SLIT2: variants seen among roughly 807,000 people sequenced by gnomAD.
SLIT2 encodes the protein slit guidance ligand 2, also known as slit homolog 2 protein.
A neutral mutation model predicts 185.7 loss-of-function variants in SLIT2; 41 were observed. The observed-to-expected ratio is 0.22, with a 90% confidence interval of 0.17 to 0.29. The LOEUF is 0.29. Ranked by LOEUF, SLIT2 falls within the 10% of genes least tolerant of loss-of-function variation. The pLI is 1.00. For missense variants in SLIT2, 1,571 were observed against 1,909.0 expected, an observed-to-expected ratio of 0.82 and a Z score of 3.30; for synonymous variants, 693 against 680.2, an observed-to-expected ratio of 1.02 and a Z score of -0.29.
chr4:20,563,730 A>G (rs1481588414), intron 26 of SLIT2, among the ~76,000 whole-genome samples: 2 of 151,816 alleles, frequency 1.3e-5, no homozygotes, highest in African/African-American at 2.4e-5. Flanking sequence ...CAAACAAGAA[A>G]ATGACTGCTT....
chr4:20,541,314 A>G, intron 19 of SLIT2, 139 bp from the exon 20 acceptor site: 1 of 673,770 alleles, frequency 1.5e-6, no homozygotes, highest in Non-Finnish European at 2.5e-6. Context: ...TGTGATTCTG[A>G]GTAAGAATGG....
intron 4 of SLIT2, among the ~76,000 whole-genome samples, chr4:20,384,009 G>T (rs999187131): frequency 7.3e-5 from 11 of 151,706 alleles, no homozygotes; most frequent in African/African-American, 2.4e-4. Flanking sequence ...CCCAGCCAGT[G>T]TTCCTATTCT....
chr4:20,420,743 G>A (rs181434468), intron 4 of SLIT2, among the ~76,000 whole-genome samples: 22 of 152,196 alleles, frequency 1.4e-4, no homozygotes, highest in African/African-American at 4.8e-4. Flanking sequence ...CAATGCAGTG[G>A]TATTTAGAGG....
At chr4:20,581,430 C>T (rs1577966090) in intron 29 of SLIT2, among the ~76,000 whole-genome samples, 1 of 152,162 alleles carries the variant, frequency 6.6e-6, no homozygotes, top group South Asian at 2.1e-4. Context: ...GAATCCTCAA[C>T]ACCACATCAC....
intron 4 of SLIT2, among the ~76,000 whole-genome samples, chr4:20,404,476 A>C (rs1486197441): frequency 3.3e-5 from 5 of 152,004 alleles, no homozygotes; most frequent in Non-Finnish European, 5.9e-5. Context: ...TAAGTTTTGG[A>C]TAATGAGTGT....
intron 5 of SLIT2, among the ~76,000 whole-genome samples, chr4:20,472,540 C>CGATA (rs576120139): frequency 1.1e-4 from 1 of 9,492 alleles, no homozygotes; most frequent in Non-Finnish European, 1.6e-4. Context: ...ATAGATATAT[C>CGATA]TATATCTATA....
intron 4 of SLIT2, among the ~76,000 whole-genome samples, chr4:20,320,129 A>C (rs1016308622): frequency 6.6e-6 from 1 of 152,196 alleles, no homozygotes; most frequent in African/African-American, 2.4e-5. Context: ...AGTCAGGCTG[A>C]TATTAGGGGA....
At chr4:20,255,090 C>G (rs1187165097) in intron 1 of SLIT2, 1 of 455,792 alleles carries the variant, frequency 2.2e-6, no homozygotes, top group Non-Finnish European at 4.4e-6. Flanking sequence ...GTTCCGCTCT[C>G]GCGGTTGCGT....
chr4:20,600,598 G>C (rs1728336252), intron 33 of SLIT2, among the ~76,000 whole-genome samples: 1 of 151,358 alleles, frequency 6.6e-6, no homozygotes, highest in African/African-American at 2.4e-5. Context: ...AATCTTTTTT[G>C]TATTTTTAGT....
chr4:20,414,558 A>G (rs1276135725), intron 4 of SLIT2, among the ~76,000 whole-genome samples: 19 of 152,096 alleles, frequency 1.2e-4, no homozygotes, highest in Admixed American at 1.2e-3. Context: ...CCTTTTTTAA[A>G]AATTTTTTTG....
At position 20,528,425 on chromosome 4, in the gene SLIT2, C is replaced by G; in HGVS notation, c.1463-524C>G. On this transcript the variant is annotated intron_variant, in intron 15 of 36. Coordinates refer to ENST00000504154, the MANE Select transcript of SLIT2 (RefSeq NM_004787.4). The surrounding 1 kb of genome is among the most constrained non-coding windows in gnomAD (Gnocchi z 4.2). ...GAGGCTTAAATCAGGATTTTCCTGT[C>G]TCTTTCTACAAAATCAAAATGAAAA... 2.0e-6 allele frequency: 1 copy of G among 500,384 alleles called. No homozygotes were observed. The highest frequency in any genetic ancestry group is 1.5e-5 in the South Asian group (1 of 67,006). 31.0% of individuals were successfully genotyped at this position (500,384 alleles called of 1,614,324 possible).
intron 36 of SLIT2, among the ~76,000 whole-genome samples, chr4:20,618,460 T>A (rs956927450): frequency 2.0e-5 from 3 of 152,222 alleles, no homozygotes; most frequent in African/African-American, 7.2e-5. Flanking sequence ...CTGTTAGTAG[T>A]GTAAAAACAG....
chr4:20,511,420 C>CTTTTTT (rs1040955182), intron 11 of SLIT2, among the ~76,000 whole-genome samples: 3 of 122,058 alleles, frequency 2.5e-5, no homozygotes, highest in Non-Finnish European at 5.2e-5. Flanking sequence ...TTTTTTATTT[C>CTTTTTT]TTTTTTTTTT....
intron 4 of SLIT2, among the ~76,000 whole-genome samples, chr4:20,339,203 T>C (rs1188805081): frequency 6.6e-6 from 1 of 151,752 alleles, no homozygotes; most frequent in Non-Finnish European, 1.5e-5. Context: ...ATTGAAAAGG[T>C]AATAACCAAC....
rs1224897152 is a variant in SLIT2, at chr4:20,262,527, C to CG, written c.323+4590dup. On this transcript the variant is annotated intron_variant, in intron 3 of 36. Coordinates refer to ENST00000504154, the MANE Select transcript of SLIT2 (RefSeq NM_004787.4). ...TTTTCTTAACAGAATGACAGTCTAA[C>CG]GGTGCTAATCTTCTTGGAAAAGAAT... Among the ~76,000 whole-genome samples, 9 of 151,932 alleles carry CG rather than the reference C, an allele frequency of 5.9e-5. No homozygotes were observed. The East Asian group carries it at 1.7e-3, about 29-fold the overall frequency.
chr4:20,586,913 AT>A (rs1727110534), intron 29 of SLIT2, among the ~76,000 whole-genome samples: 1 of 152,182 alleles, frequency 6.6e-6, no homozygotes, highest in African/African-American at 2.4e-5. Context: ...CCCAGGTGAT[AT>A]GAATGTCGGG....
intron 29 of SLIT2, among the ~76,000 whole-genome samples, chr4:20,583,774 A>C (rs1347361980): frequency 6.6e-6 from 1 of 151,958 alleles, no homozygotes; most frequent in African/African-American, 2.4e-5. Flanking sequence ...ATGCCACTGC[A>C]CTCCAGCCTG....
intron 4 of SLIT2, among the ~76,000 whole-genome samples, chr4:20,322,978 A>G (rs966899834): frequency 6.6e-6 from 1 of 152,192 alleles, no homozygotes; most frequent in African/African-American, 2.4e-5. Context: ...CAGAGTTTGC[A>G]AAGTACTTTC....
At chr4:20,497,492 G>A (rs569993788) in intron 9 of SLIT2, among the ~76,000 whole-genome samples, 19 of 152,254 alleles carry the variant, frequency 1.2e-4, no homozygotes, top group Middle Eastern at 3.4e-3. Flanking sequence ...AAGGACAAGA[G>A]AAATTTTAAG....
Sources: allele counts gnomAD v4.1 joint callset (sites outside exome capture counted in the v4.1 genomes callset), GRCh38; gene constraint gnomAD v4.1.1; non-coding constraint Gnocchi (gnomAD v3.1); transcripts MANE v1.5; gene names NCBI Gene and HGNC (gene_info 2026-07-23, HGNC 2026-07-21).